The following CBFA2T3 variants were observed in gnomAD, a reference collection of about 807,000 sequenced individuals.
CBFA2T3 encodes transcriptional corepressor CBFA2T3.
In CBFA2T3, 31 loss-of-function variants were observed where a neutral mutation model predicts 58.6. The observed-to-expected ratio is 0.53, with a 90% CI of 0.40 to 0.71. CBFA2T3 has a LOEUF of 0.71. Among genes scored for constraint, CBFA2T3 ranks in the 30% least tolerant of loss-of-function variants. CBFA2T3 has a pLI of 0.00. For missense variants in CBFA2T3, 1,076 were observed against 963.1 expected, an observed-to-expected ratio of 1.12 and a Z score of -1.55; for synonymous variants, 531 against 421.9, an observed-to-expected ratio of 1.26 and a Z score of -3.17.
In CBFA2T3 at chr16:88,881,351, G is replaced by A. The variant is rs1243561450; in HGVS notation, c.1342C>T (p.Pro448Ser). Residue 448 changes from proline (P) to serine (S), a missense_variant, in exon 9 of 12, where the codon CCC (proline) becomes TCC (serine). Pro to Ser is a moderately conservative substitution (Grantham distance 74, BLOSUM62 -1). Transcript: ENST00000268679. ...CGGGGCCGGGCCGCGGCGGGAGCGG[G>A]GCCCTTCTTTGTGTCCTCGGCGTCG... ...YSDAEDTKKG[P>S]APAAARPRSS... The A allele has an allele frequency of 6.3e-7, 1 of 1,585,156 alleles. No homozygotes were observed. Among genetic ancestry groups the A allele is most frequent in the Non-Finnish European group, 8.6e-7 (1 of 1,167,588 alleles).
intron 1 of CBFA2T3, among the ~76,000 whole-genome samples, chr16:88,948,811 G>C (rs907518253): frequency 4.6e-5 from 7 of 152,206 alleles, no homozygotes; most frequent in African/African-American, 1.4e-4. Context: ...GTGGCTCAAA[G>C]ACAAGTTCAG....
intron 8 of CBFA2T3, 66 bp downstream of exon 8, chr16:88,882,610 C>T: frequency 1.0e-6 from 1 of 965,950 alleles, no homozygotes; most frequent in Non-Finnish European, 1.6e-6. Flanking sequence ...GTGTGCGTGG[C>T]TGTGTGTGTG....
Position 88,885,381 on chromosome 16 carries a change from A to G in CBFA2T3, c.894-112T>C, listed in dbSNP as rs545799996. On this transcript the variant is annotated intron_variant, in intron 6 of 11. Coordinates refer to ENST00000268679, the MANE Select transcript of CBFA2T3 (RefSeq NM_005187.6). This position sits in a 1 kb window ranked among gnomAD's most constrained non-coding sequence, Gnocchi z 5.3. ...AAGGGCAGAGAGAAAGAGGACACGTAAGGGCGAGACAGAAACACGGAGCAA... is the reference window on the plus strand; with the variant it reads ...AAGGGCAGAGAGAAAGAGGACACGTGAGGGCGAGACAGAAACACGGAGCAA... The G allele has an allele frequency of 4.4e-6, 3 of 687,172 alleles. No individual in the cohort carries two copies. The highest frequency in any genetic ancestry group is 6.8e-6 in the Non-Finnish European group (3 of 442,822). The allele number at this position is 687,172 out of a possible 1,614,324, so 42.6% of individuals were successfully genotyped here. A position where few individuals can be genotyped will look rare whatever the true frequency, so the allele number is the denominator to read the frequency against.
intron 5 of CBFA2T3, among the ~76,000 whole-genome samples, chr16:88,888,739 G>A (rs1362730283): frequency 2.0e-5 from 3 of 151,586 alleles, no homozygotes; most frequent in Non-Finnish European, 4.4e-5. Context: ...AATCCTCCTG[G>A]CCTCCCCCTA....
intron 1 of CBFA2T3, among the ~76,000 whole-genome samples, chr16:88,923,251 C>T (rs1970979305): frequency 6.6e-6 from 1 of 152,222 alleles, no homozygotes; most frequent in Non-Finnish European, 1.5e-5. Context: ...TCAGCGTTCT[C>T]CCTGTGAAAC....
At chr16:88,913,542 A>G (rs1162230949) in intron 1 of CBFA2T3, among the ~76,000 whole-genome samples, 1 of 152,180 alleles carries the variant, frequency 6.6e-6, no homozygotes, top group Admixed American at 6.5e-5. Flanking sequence ...GGAGGCTGGG[A>G]AGCTGGAGAA....
At chr16:88,941,198 C>G (rs1473097912) in intron 1 of CBFA2T3, 2 of 980,652 alleles carry the variant, frequency 2.0e-6, no homozygotes, top group African/African-American at 1.8e-5. Flanking sequence ...GCGGGGCGGC[C>G]GCCTGGGCCA....
chr16:88,894,836 C>A (rs976966373), intron 3 of CBFA2T3, among the ~76,000 whole-genome samples: 1 of 152,250 alleles, frequency 6.6e-6, no homozygotes, highest in Non-Finnish European at 1.5e-5. Context: ...CCTGTGTGCG[C>A]CGAGGAGGAG....
intron 3 of CBFA2T3, among the ~76,000 whole-genome samples, chr16:88,896,045 C>T (rs1405225205): frequency 1.3e-5 from 2 of 152,198 alleles, no homozygotes; most frequent in Non-Finnish European, 2.9e-5. Context: ...GCCTCTCCTG[C>T]GCTGCCCAAG....
Position 88,976,890 on chromosome 16 carries a change from G to T in CBFA2T3, c.-83C>A, listed in dbSNP as rs921479503. 1.4e-6 allele frequency: 2 copies of T among 1,464,442 alleles called. No homozygotes were observed. Among genetic ancestry groups the T allele is most frequent in the African/African-American group, 1.4e-5 (1 of 71,002 alleles). 90.7% of individuals were successfully genotyped at this position (1,464,442 alleles called of 1,614,324 possible). ...GCCTTTCCCGACCTCCTGCAGCCTT[G>T]AGGGAAAGAGGAGGGGCTGGGCCAG... On this transcript the variant is annotated 5_prime_UTR_variant, in exon 1 of 12. Coordinates refer to ENST00000268679, the MANE Select transcript of CBFA2T3 (RefSeq NM_005187.6).
intron 1 of CBFA2T3, among the ~76,000 whole-genome samples, chr16:88,960,000 G>A (rs573375863): frequency 4.0e-4 from 61 of 152,284 alleles, no homozygotes; most frequent in African/African-American, 1.4e-3. Context: ...CTGCACTCCA[G>A]CCTGGGTGAC....
Position 88,901,393 on chromosome 16 carries a change from G to A in CBFA2T3, c.304+111C>T, listed in dbSNP as rs1970091642. ...GGGCCACACGAGCTCCTCACACTCA[G>A]GGCTCACAGAAGGTGCCCGCTGGCT... On this transcript the variant is annotated intron_variant, in intron 2 of 11. Coordinates refer to ENST00000268679, the MANE Select transcript of CBFA2T3 (RefSeq NM_005187.6). 5.3e-6 allele frequency: 3 copies of A among 565,288 alleles called. No homozygotes were observed. In the African/African-American group the frequency reaches 5.9e-5, roughly 11 times the overall value. The allele number at this position is 565,288 out of a possible 1,614,324, so 35.0% of individuals were successfully genotyped here. A position where few individuals can be genotyped will look rare whatever the true frequency, so the allele number is the denominator to read the frequency against.
intron 1 of CBFA2T3, among the ~76,000 whole-genome samples, chr16:88,959,632 G>A (rs1281486888): frequency 6.6e-6 from 1 of 152,164 alleles, no homozygotes; most frequent in Non-Finnish European, 1.5e-5. Flanking sequence ...GAAGGTCCCG[G>A]GGAAACCCTC....
chr16:88,968,511 C>G (rs188292178), intron 1 of CBFA2T3, among the ~76,000 whole-genome samples: 3 of 152,330 alleles, frequency 2.0e-5, no homozygotes, highest in Non-Finnish European at 2.9e-5. Flanking sequence ...CCCTGGGGGC[C>G]GAGAGCAGAT....
In CBFA2T3 at chr16:88,877,661, G is replaced by C. The variant is rs550847565; in HGVS notation, c.1663-386C>G. On this transcript the variant is annotated intron_variant, in intron 11 of 11. Transcript: ENST00000268679. ...GCCTCTGCTGCATCCACACCCACCCGTCCCCCTCCCCACCTCTGCCCCACC... is the reference window on the plus strand; with the variant it reads ...GCCTCTGCTGCATCCACACCCACCCCTCCCCCTCCCCACCTCTGCCCCACC... Among the ~76,000 whole-genome samples, 712 of 151,846 alleles carry C rather than the reference G, an allele frequency of 4.7e-3. 7 individuals are homozygous for C. Among genetic ancestry groups the C allele is most frequent in the African/African-American group, 0.016 (682 of 41,394 alleles).
At chr16:88,899,676 G>C (rs935903786) in intron 2 of CBFA2T3, among the ~76,000 whole-genome samples, 12 of 152,206 alleles carry the variant, frequency 7.9e-5, no homozygotes, top group Non-Finnish European at 1.5e-4. Context: ...CTGGTCCCCA[G>C]GGAAGAGCAG....
At chr16:88,969,070 C>T (rs557268436) in intron 1 of CBFA2T3, among the ~76,000 whole-genome samples, 2 of 152,328 alleles carry the variant, frequency 1.3e-5, no homozygotes, top group Non-Finnish European at 2.9e-5. Context: ...AGGAATCCCC[C>T]ATCCTCTCGT....
chr16:88,885,952 C>T lies in CBFA2T3; in HGVS notation c.893+9G>A, dbSNP rs752068990. On this transcript the variant is annotated intron_variant, in intron 6 of 11. Transcript: ENST00000268679. This position sits in a 1 kb window ranked among gnomAD's most constrained non-coding sequence, Gnocchi z 5.3. ...ACCCCCAGCCCAGATCCCCGGAGCC[C>T]ACAGGTACCTGTCGGGCGTCCTCCT... is the stretch of plus-strand genomic sequence containing the variant. The T allele has an allele frequency of 1.9e-6, 3 of 1,546,956 alleles. No homozygotes were observed. The South Asian group carries it at 3.6e-5, about 18-fold the overall frequency.
intron 1 of CBFA2T3, among the ~76,000 whole-genome samples, chr16:88,959,626 G>T (rs1972311851): frequency 6.6e-6 from 1 of 152,182 alleles, no homozygotes; most frequent in Non-Finnish European, 1.5e-5. Context: ...GAGAGGGAAG[G>T]TCCCGGGGAA....
Sources: gnomAD v4.1 joint callset for allele counts (sites outside exome capture counted in the v4.1 genomes callset) on GRCh38, gnomAD v4.1.1 for gene constraint, Gnocchi (gnomAD v3.1) non-coding constraint, MANE v1.5 for transcripts, NCBI Gene and HGNC (gene_info 2026-07-23, HGNC 2026-07-21) for gene names.